Variants in AFAP1 observed in about 807,000 individuals in gnomAD.
The protein encoded by AFAP1 is actin filament-associated protein 1.
Under a neutral mutation model 93.9 loss-of-function variants are expected in AFAP1, and 75 were observed. The ratio of observed to expected loss-of-function variants is 0.80; its 90% CI spans 0.66 to 0.97. The LOEUF is 0.97. AFAP1 is among the 50% of genes least tolerant of loss of function. The probability of loss-of-function intolerance (pLI) is 0.00; values close to 1 mark genes in which losing one functional copy is unlikely to be tolerated. For synonymous variants in AFAP1, 517 were observed against 430.7 expected (o/e 1.20, Z -2.48); for missense variants, 1,201 against 1,050.8 (o/e 1.14, Z -1.98).
At chr4:7,868,554 C>G (rs1307590514) in intron 3 of AFAP1, 68 bp downstream of exon 3, 7 of 1,407,884 alleles carry the variant, frequency 5.0e-6, no homozygotes, top group Non-Finnish European at 6.8e-6. Flanking sequence ...CCATCACAGG[C>G]CCCTGGAGCC....
intron 1 of AFAP1, among the ~76,000 whole-genome samples, chr4:7,894,765 G>A (rs933217355): frequency 2.0e-5 from 3 of 152,266 alleles, no homozygotes; most frequent in African/African-American, 7.2e-5. Context: ...TCTGGCTGCC[G>A]TCATCTCTGG....
At chr4:7,900,969 G>C (rs16841368) in intron 1 of AFAP1, among the ~76,000 whole-genome samples, 7,316 of 152,266 alleles carry the variant, frequency 0.048, 311 homozygotes, top group African/African-American at 0.11. Flanking sequence ...TCAAAAAACA[G>C]CTTTGGGCTA....
intron 9 of AFAP1, among the ~76,000 whole-genome samples, chr4:7,804,280 C>G (rs1024331612): frequency 3.3e-5 from 5 of 152,158 alleles, no homozygotes; most frequent in Non-Finnish European, 7.3e-5. Context: ...CAAGGCTCAC[C>G]CAGGGCGTCT....
At chr4:7,904,062 T>A (rs1255564066) in intron 1 of AFAP1, among the ~76,000 whole-genome samples, 1 of 152,182 alleles carries the variant, frequency 6.6e-6, no homozygotes, top group Non-Finnish European at 1.5e-5. Flanking sequence ...CATGTTTTGC[T>A]GAATTTGCCA....
chr4:7,882,690 C>A (rs188701394), intron 1 of AFAP1, among the ~76,000 whole-genome samples: 22 of 152,208 alleles, frequency 1.4e-4, no homozygotes, highest in African/African-American at 5.3e-4. Context: ...GAAACCCTGT[C>A]TCTACTAAAA....
At chr4:7,854,386 G>C (rs1203655594) in intron 4 of AFAP1, among the ~76,000 whole-genome samples, 1 of 152,174 alleles carries the variant, frequency 6.6e-6, no homozygotes. Flanking sequence ...GGCACCCTCA[G>C]GGGCACGCAG....
At chr4:7,900,344 TTAGCATTTAGCACATTTAG>T in intron 1 of AFAP1, among the ~76,000 whole-genome samples, 1 of 5,732 alleles carries the variant, frequency 1.7e-4, no homozygotes. Context: ...TCTAGCACAT[TTAGCATTTAGCACATTTAG>T]CTGCGCATTT....
chr4:7,817,392 G>A (rs1488861053), intron 7 of AFAP1, among the ~76,000 whole-genome samples: 2 of 152,166 alleles, frequency 1.3e-5, no homozygotes, highest in East Asian at 3.9e-4. Flanking sequence ...CACGAGGTCA[G>A]GAGTTCGAGA....
intron 1 of AFAP1, among the ~76,000 whole-genome samples, chr4:7,924,245 C>T (rs1021011798): frequency 3.9e-5 from 6 of 152,184 alleles, no homozygotes; most frequent in African/African-American, 1.2e-4. Flanking sequence ...ACCTAGCAAA[C>T]CTCCAAGGTC....
intron 9 of AFAP1, among the ~76,000 whole-genome samples, chr4:7,804,119 T>C (rs1719291495): frequency 6.8e-6 from 1 of 146,780 alleles, no homozygotes; most frequent in South Asian, 2.4e-4. Flanking sequence ...CTGACACCTC[T>C]AGCCTGGCTG....
rs1714017545 is a variant in AFAP1 at position 7,762,935 on chromosome 4, G to T, written c.*830C>A. 1 of 152,338 alleles carries T rather than the reference G, an allele frequency of 6.6e-6. No individual in the cohort carries two copies. The highest frequency in any genetic ancestry group is 1.5e-5 in the Non-Finnish European group (1 of 68,158). 9.4% of individuals were successfully genotyped at this position (152,338 alleles called of 1,614,324 possible). A position where few individuals can be genotyped will look rare whatever the true frequency, so the allele number is the denominator to read the frequency against. On this transcript the variant is annotated 3_prime_UTR_variant, in exon 18 of 18. Coordinates refer to ENST00000420658, the MANE Select transcript of AFAP1 (RefSeq NM_001134647.2). ...ACCTGCCGGCTCCGACGTGGATTAA[G>T]GGCTGGGGATGCTAGCCCAAGGGGG...
At chr4:7,880,846 T>C (rs1717798887) in intron 1 of AFAP1, among the ~76,000 whole-genome samples, 1 of 152,132 alleles carries the variant, frequency 6.6e-6, no homozygotes, top group Non-Finnish European at 1.5e-5. Context: ...GAACTACCCA[T>C]CACTTCCTGC....
At chr4:7,868,916 T>C (rs1399834340) in intron 2 of AFAP1, among the ~76,000 whole-genome samples, 197 bp from the exon 3 acceptor site, 1 of 97,882 alleles carries the variant, frequency 1.0e-5, no homozygotes, top group Non-Finnish European at 2.1e-5. Context: ...TTAAATAAAG[T>C]GAAAGAAAAG....
chr4:7,912,117 A>G (rs1209580393), intron 1 of AFAP1, among the ~76,000 whole-genome samples: 1 of 152,202 alleles, frequency 6.6e-6, no homozygotes, highest in Non-Finnish European at 1.5e-5. Flanking sequence ...TCTAGTTTGA[A>G]AGACCGATGA....
At chr4:7,905,821 C>A (rs1313024222) in intron 1 of AFAP1, among the ~76,000 whole-genome samples, 2 of 152,188 alleles carry the variant, frequency 1.3e-5, no homozygotes, top group East Asian at 3.9e-4. Context: ...ATCCATACCC[C>A]GTCCCATTTC....
intron 10 of AFAP1, chr4:7,799,203 C>G: frequency 2.0e-6 from 1 of 502,632 alleles, no homozygotes; most frequent in Non-Finnish European, 2.6e-6. Context: ...CCATCTGAGC[C>G]CAGCCCTCTC....
chr4:7,894,223 C>A (rs1560223842), intron 1 of AFAP1, among the ~76,000 whole-genome samples: 1 of 152,172 alleles, frequency 6.6e-6, no homozygotes, highest in Non-Finnish European at 1.5e-5. Context: ...AATGTTTTAT[C>A]GGAACACAGA....
chr4:7,761,434 T>C lies in AFAP1; in HGVS notation c.*2331A>G, dbSNP rs2285764. ...GTCGAGCACCAATCAGCTGTGCCGTTGGGCAAGTCCCTGCTAAGGCTCCGG... is the reference window on the plus strand; with the variant it reads ...GTCGAGCACCAATCAGCTGTGCCGTCGGGCAAGTCCCTGCTAAGGCTCCGG... On this transcript the variant is annotated 3_prime_UTR_variant, in exon 18 of 18. Transcript: ENST00000420658. 0.7 allele frequency: 106,061 copies of C among 152,250 alleles called. 37,580 individuals are homozygous for C. The highest frequency in any genetic ancestry group is 0.77 in the Non-Finnish European group (52,526 of 68,032). The allele number at this position is 152,250 out of a possible 1,614,324, so 9.4% of individuals were successfully genotyped here. A position where few individuals can be genotyped will look rare whatever the true frequency, so the allele number is the denominator to read the frequency against.
intron 1 of AFAP1, among the ~76,000 whole-genome samples, chr4:7,882,774 G>A (rs1008475396): frequency 2.0e-5 from 3 of 151,690 alleles, no homozygotes; most frequent in Admixed American, 6.6e-5. Flanking sequence ...CAGGAGAATC[G>A]CTTGAACCTG....
Sources: gnomAD v4.1 joint callset for allele counts (sites outside exome capture counted in the v4.1 genomes callset) on GRCh38, gnomAD v4.1.1 for gene constraint, MANE v1.5 for transcripts, NCBI Gene and HGNC (gene_info 2026-07-23, HGNC 2026-07-21) for gene names.